Variants in TAF3 observed in about 807,000 individuals in gnomAD.
TAF3 encodes the protein transcription initiation factor TFIID subunit 3.
In TAF3, 7 loss-of-function variants were observed where a neutral mutation model predicts 80.6. The ratio of observed to expected loss-of-function variants is 0.09; its 90% CI spans 0.05 to 0.16. The LOEUF is 0.16. TAF3 is among the 10% of genes least tolerant of loss of function. The pLI, the probability that TAF3 is intolerant of heterozygous loss-of-function variation, is 1.00. For synonymous variants in TAF3, 444 were observed against 446.1 expected, an observed-to-expected ratio of 1.00 and a Z score of 0.06; for missense variants, 921 against 1,140.2, an observed-to-expected ratio of 0.81 and a Z score of 2.77.
At chr10:7,907,118 A>G (rs1038717009) in intron 2 of TAF3, among the ~76,000 whole-genome samples, 4 of 152,184 alleles carry the variant, frequency 2.6e-5, no homozygotes, top group Non-Finnish European at 5.9e-5. Context: ...TAAAATGTCA[A>G]AGCCAGGTCT....
At chr10:7,908,044 G>T (rs191315041) in intron 2 of TAF3, among the ~76,000 whole-genome samples, 1 of 152,332 alleles carries the variant, frequency 6.6e-6, no homozygotes. Context: ...AATTCGCCCT[G>T]TGCCCACAGC....
In TAF3 at chr10:7,818,605, C is replaced by T; in HGVS notation, c.-105C>T. The stretch of plus-strand genomic sequence containing the variant: ...CGCCGGGGGTCCGGGGGACCCTTTC[C>T]CCGCCGCGGAAGCCCTAGAGGATGA... On this transcript the variant is annotated 5_prime_UTR_variant, in exon 1 of 7. Transcript: ENST00000344293. The T allele has an allele frequency of 2.3e-6, 3 of 1,322,044 alleles. No homozygotes were observed. The highest frequency in any genetic ancestry group is 2.6e-4 in the Middle Eastern group (1 of 3,790). 81.9% of individuals were successfully genotyped at this position (1,322,044 alleles called of 1,614,324 possible).
chr10:7,847,882 G>A (rs1164504759), intron 2 of TAF3, among the ~76,000 whole-genome samples: 2 of 152,110 alleles, frequency 1.3e-5, no homozygotes. Flanking sequence ...ATTCTCCTGA[G>A]GCTGAGCCTC....
At chr10:7,998,795 C>T (rs1034227682) in intron 4 of TAF3, among the ~76,000 whole-genome samples, 3 of 150,268 alleles carry the variant, frequency 2.0e-5, no homozygotes, top group Admixed American at 6.6e-5. Context: ...GCCGGGATCG[C>T]GCCACTGCAC....
At chr10:7,954,340 T>C (rs1458825886) in intron 2 of TAF3, among the ~76,000 whole-genome samples, 39 of 108,736 alleles carry the variant, frequency 3.6e-4, no homozygotes, top group African/African-American at 5.4e-4. Flanking sequence ...GTGAATTAGT[T>C]CTAGTTAACA....
intron 2 of TAF3, among the ~76,000 whole-genome samples, chr10:7,909,381 G>A (rs1332416423): frequency 6.6e-6 from 1 of 152,144 alleles, no homozygotes; most frequent in African/African-American, 2.4e-5. Flanking sequence ...CACTACCTCA[G>A]CACTTGGCCT....
intron 2 of TAF3, among the ~76,000 whole-genome samples, chr10:7,880,181 G>T (rs571058310): frequency 3.3e-4 from 51 of 152,308 alleles, no homozygotes; most frequent in African/African-American, 1.2e-3. Flanking sequence ...CTAGGCTGCA[G>T]TGAGCTATGA....
intron 2 of TAF3, among the ~76,000 whole-genome samples, chr10:7,932,694 T>TTTTTTTTTTTTTTTTTTTTTG (rs1564365871): frequency 8.3e-6 from 1 of 119,874 alleles, no homozygotes; most frequent in African/African-American, 3.5e-5. Flanking sequence ...TTTTTTTTTT[T>TTTTTTTTTTTTTTTTTTTTTG]GGAGAGAGGG....
chr10:7,894,262 C>A (rs1383216835), intron 2 of TAF3, among the ~76,000 whole-genome samples: 1 of 152,152 alleles, frequency 6.6e-6, no homozygotes, highest in Non-Finnish European at 1.5e-5. Context: ...GACGGAGTTA[C>A]TGTCAGCAGG....
At chr10:7,848,475 A>C (rs372303875) in intron 2 of TAF3, among the ~76,000 whole-genome samples, 211 of 152,284 alleles carry the variant, frequency 1.4e-3, no homozygotes, top group Non-Finnish European at 2.6e-3. Context: ...TTTGTCTGCA[A>C]TTGAGTATTA....
At chr10:7,892,353 G>A (rs1042928827) in intron 2 of TAF3, among the ~76,000 whole-genome samples, 2 of 152,182 alleles carry the variant, frequency 1.3e-5, no homozygotes, top group African/African-American at 4.8e-5. Context: ...TTCATGGAAT[G>A]TATGTTCCTT....
At chr10:7,984,104 T>G (rs1415395891) in intron 4 of TAF3, among the ~76,000 whole-genome samples, 1 of 152,186 alleles carries the variant, frequency 6.6e-6, no homozygotes, top group Non-Finnish European at 1.5e-5. Flanking sequence ...ACTTACAAAT[T>G]CAGCAGTCCC....
chr10:7,823,542 G>C (rs1479711515), intron 1 of TAF3, among the ~76,000 whole-genome samples: 2 of 152,002 alleles, frequency 1.3e-5, no homozygotes, highest in Non-Finnish European at 2.9e-5. Flanking sequence ...AGACTGAGAG[G>C]GGAAGATCGC....
At chr10:7,876,394 G>C (rs750047162) in intron 2 of TAF3, among the ~76,000 whole-genome samples, 1 of 152,164 alleles carries the variant, frequency 6.6e-6, no homozygotes, top group Non-Finnish European at 1.5e-5. Flanking sequence ...TTGTAAAGAG[G>C]TATTTTCAAT....
At chr10:7,844,020 A>C (rs1490382943) in intron 2 of TAF3, among the ~76,000 whole-genome samples, 1 of 152,204 alleles carries the variant, frequency 6.6e-6, no homozygotes, top group Non-Finnish European at 1.5e-5. Flanking sequence ...TAAAATCTTG[A>C]GAAAAAGCAT....
intron 4 of TAF3, among the ~76,000 whole-genome samples, chr10:7,998,928 T>C (rs1392544904): frequency 6.6e-6 from 1 of 152,028 alleles, no homozygotes; most frequent in African/African-American, 2.4e-5. Flanking sequence ...ATATTCATTA[T>C]GTGTTTGGTA....
Position 7,827,971 on chromosome 10 carries a change from A to C in TAF3, c.409+3411A>C, listed in dbSNP as rs114505538. ...CCTGTCTCAAAAAAAAATAAAACAC[A>C]TGACAGCGAATATTAGTTCTCGTCC... On this transcript the variant is annotated intron_variant, in intron 2 of 6. Coordinates refer to ENST00000344293, the MANE Select transcript of TAF3 (RefSeq NM_031923.4). Among the ~76,000 whole-genome samples, 613 of 152,180 alleles carry C rather than the reference A, an allele frequency of 4.0e-3. 6 individuals carry two copies. The highest frequency in any genetic ancestry group is 0.014 in the African/African-American group (584 of 41,540).
intron 2 of TAF3, among the ~76,000 whole-genome samples, chr10:7,839,596 G>A (rs969539561): frequency 1.3e-5 from 2 of 152,144 alleles, no homozygotes; most frequent in East Asian, 1.9e-4. Flanking sequence ...CATGGCCCTG[G>A]CATTATTCTC....
At chr10:7,864,747 G>A (rs1054912948) in intron 2 of TAF3, among the ~76,000 whole-genome samples, 7 of 151,808 alleles carry the variant, frequency 4.6e-5, no homozygotes, top group African/African-American at 2.4e-5. Context: ...CTCTCAGCCT[G>A]TGGTTTGCTT....
Sources: gnomAD v4.1 joint callset for allele counts (sites outside exome capture counted in the v4.1 genomes callset) on GRCh38, gnomAD v4.1.1 for gene constraint, MANE v1.5 for transcripts, NCBI Gene and HGNC (gene_info 2026-07-23, HGNC 2026-07-21) for gene names.